TEX14: variants seen among roughly 807,000 people sequenced by gnomAD.
TEX14 encodes the protein inactive serine/threonine-protein kinase TEX14.
A neutral mutation model predicts 178.6 loss-of-function variants in TEX14; 168 were observed. That is an observed-to-expected ratio of 0.94 (90% CI 0.83 to 1.07). The LOEUF (loss-of-function observed/expected upper bound fraction) is 1.07. TEX14 is among the 50% of genes least tolerant of loss of function. The pLI is 0.00. For synonymous variants in TEX14, 626 were observed against 634.1 expected (o/e 0.99, Z 0.19); for missense variants, 1,730 against 1,753.6 (o/e 0.99, Z 0.24).
chr17:58,579,112 C>T (rs772072379), intron 20 of TEX14, among the ~76,000 whole-genome samples: 10 of 152,324 alleles, frequency 6.6e-5, no homozygotes, highest in Non-Finnish European at 1.3e-4. Context: ...TAAAAGAAAG[C>T]CCCTGCTAAG....
At chr17:58,579,619 T>C in intron 20 of TEX14, 46 bp downstream of exon 20, 1 of 1,516,996 alleles carries the variant, frequency 6.6e-7, no homozygotes, top group South Asian at 1.1e-5. Context: ...ACAGAAGAAA[T>C]TTAAGGGAAG....
At position 58,643,384 on chromosome 17, in the gene TEX14, C is replaced by G. The variant is rs145474331; in HGVS notation, c.136+8482G>C. Among the ~76,000 whole-genome samples the G allele has an allele frequency of 5.7e-3, 867 of 152,230 alleles. 5 individuals carry two copies. Among genetic ancestry groups the G allele is most frequent in the African/African-American group, 9.2e-3 (382 of 41,538 alleles). On this transcript the variant is annotated intron_variant, in intron 2 of 31. Transcript: ENST00000349033. ...AGGTGAATCACAGATATCTCAAATA[C>G]AGCCTACCCAAGCTGACTTAGATCA...
At chr17:58,664,044 C>G (rs2047165090) in intron 1 of TEX14, among the ~76,000 whole-genome samples, 1 of 152,092 alleles carries the variant, frequency 6.6e-6, no homozygotes, top group African/African-American at 2.4e-5. Context: ...GCTCCCCCAG[C>G]AACAACAAAA....
intron 23 of TEX14, among the ~76,000 whole-genome samples, chr17:58,572,495 G>A (rs528360103): frequency 2.6e-5 from 4 of 152,192 alleles, no homozygotes; most frequent in Admixed American, 6.5e-5. Flanking sequence ...AGCTGGGTGC[G>A]GTGGCGGGCG....
chr17:58,587,935 CCCTG>C lies in TEX14; in HGVS notation c.2659_2662del (p.Gln887AspfsTer15). On this transcript the variant is annotated frameshift_variant, in exon 16 of 32. Transcript: ENST00000349033. LOFTEE classifies it high-confidence loss of function. ...GTGACAGCTGGGTGATGCAGAAGGT[CCCTG>C]CCGGTGGCTTGACAGAGTGAAGAGT... 6.2e-7 allele frequency: 1 copy of C among 1,611,464 alleles called. No individual in the cohort carries two copies. Among genetic ancestry groups the C allele is most frequent in the Non-Finnish European group, 8.5e-7 (1 of 1,178,774 alleles).
chr17:58,566,630 C>T (rs2044404623), intron 26 of TEX14, among the ~76,000 whole-genome samples: 1 of 151,290 alleles, frequency 6.6e-6, no homozygotes, highest in Non-Finnish European at 1.5e-5. Context: ...GAAACCCCAT[C>T]TCTACTAAAA....
Position 58,572,125 on chromosome 17 carries a change from C to T in TEX14, c.3513G>A (p.Gly1171=). 11 of 1,602,896 alleles carry T rather than the reference C, an allele frequency of 6.9e-6. No homozygotes were observed. The highest frequency in any genetic ancestry group is 9.4e-6 in the Non-Finnish European group (11 of 1,170,890). ...PTSVSTPLSP[G]SVSSAASQYK... ...ACTGACTGGCAGCTGAAGAAACGGA[C>T]CCTGTTGGAGAAAAGCGGAAGGTTA... Residue 1171 remains glycine, a splice_region_variant and synonymous_variant, in exon 24 of 32, where the codon GGG becomes GGA. Coordinates refer to ENST00000349033, the MANE Select transcript of TEX14 (RefSeq NM_031272.5).
At chr17:58,612,892 A>C (rs1210963379) in intron 9 of TEX14, among the ~76,000 whole-genome samples, 1 of 151,190 alleles carries the variant, frequency 6.6e-6, no homozygotes, top group Non-Finnish European at 1.5e-5. Context: ...GCAATAGAGC[A>C]AGACCCTGTC....
intron 15 of TEX14, among the ~76,000 whole-genome samples, chr17:58,591,364 C>A (rs1329690790): frequency 6.6e-6 from 1 of 151,826 alleles, no homozygotes; most frequent in Non-Finnish European, 1.5e-5. Context: ...CTAAAAAATA[C>A]AAAATTAACC....
intron 3 of TEX14, among the ~76,000 whole-genome samples, chr17:58,629,023 A>C (rs1239126088): frequency 6.6e-6 from 1 of 152,204 alleles, no homozygotes; most frequent in Non-Finnish European, 1.5e-5. Context: ...AGCTTGAATC[A>C]CTTAAGTGCC....
chr17:58,672,379 C>A (rs1162477412), intron 1 of TEX14, among the ~76,000 whole-genome samples: 1 of 152,184 alleles, frequency 6.6e-6, no homozygotes, highest in Non-Finnish European at 1.5e-5. Flanking sequence ...TCTTCCAGCA[C>A]TCTTACTCCA....
intron 6 of TEX14, among the ~76,000 whole-genome samples, chr17:58,616,901 CAAATCTGAT>C (rs2045885470): frequency 6.6e-6 from 1 of 152,176 alleles, no homozygotes; most frequent in Admixed American, 6.5e-5. Context: ...TGTGTGCGGC[CAAATCTGAT>C]ATTCCTCCTC....
intron 2 of TEX14, among the ~76,000 whole-genome samples, chr17:58,639,030 AT>A (rs1294685823): frequency 1.1e-4 from 16 of 146,826 alleles, no homozygotes; most frequent in South Asian, 2.2e-4. Flanking sequence ...CGCCTGGCTA[AT>A]TTTTTTTTTA....
At chr17:58,597,783 GT>G (rs1167574583) in intron 14 of TEX14, among the ~76,000 whole-genome samples, 1 of 152,148 alleles carries the variant, frequency 6.6e-6, no homozygotes, top group Non-Finnish European at 1.5e-5. Flanking sequence ...TATTTACTGA[GT>G]TCCTTCTATG....
chr17:58,622,796 A>C (rs1366393998), intron 4 of TEX14, 51 bp downstream of exon 4: 6 of 1,520,986 alleles, frequency 3.9e-6, no homozygotes, highest in Non-Finnish European at 5.4e-6. Flanking sequence ...CCTGACTCTC[A>C]GCCCAGTACT....
intron 15 of TEX14, among the ~76,000 whole-genome samples, chr17:58,589,779 A>G (rs1305042060): frequency 1.3e-5 from 2 of 151,496 alleles, no homozygotes; most frequent in African/African-American, 4.9e-5. Context: ...AGATTACTGC[A>G]GGCTCAACTT....
chr17:58,684,397 G>C (rs302879), intron 1 of TEX14, among the ~76,000 whole-genome samples: 36,267 of 151,472 alleles, frequency 0.24, 5,249 homozygotes, highest in Middle Eastern at 0.41. Flanking sequence ...GGGAGGCGGA[G>C]GTTGGAGTGA....
intron 13 of TEX14, 135 bp from the exon 14 acceptor site, chr17:58,599,801 T>A: frequency 2.9e-6 from 2 of 679,010 alleles, no homozygotes; most frequent in Non-Finnish European, 4.9e-6. Context: ...CCTTCCCAGT[T>A]GTGGAAGACT....
Position 58,659,308 on chromosome 17 carries a change from T to C in TEX14, c.-1-7306A>G, listed in dbSNP as rs529280872. ...TCTCTCCCCCGCCACAAAGACATTA[T>C]TTACTTAATATTGCTAATACCTTAC... On this transcript the variant is annotated intron_variant, in intron 1 of 31. Transcript: ENST00000349033. 22 of 975,814 alleles carry C rather than the reference T, an allele frequency of 2.3e-5. No individual in the cohort carries two copies. In the East Asian group the frequency reaches 4.6e-4, roughly 20 times the overall value. 60.4% of individuals were successfully genotyped at this position (975,814 alleles called of 1,614,324 possible).
Sources: gnomAD v4.1 joint callset for allele counts (sites outside exome capture counted in the v4.1 genomes callset) on GRCh38, gnomAD v4.1.1 for gene constraint, MANE v1.5 for transcripts, NCBI Gene and HGNC (gene_info 2026-07-23, HGNC 2026-07-21) for gene names.